TDRD9: variants seen among roughly 807,000 people sequenced by gnomAD.
TDRD9 encodes ATP-dependent RNA helicase TDRD9.
A neutral mutation model predicts 172.6 loss-of-function variants in TDRD9; 124 were observed. The ratio of observed to expected loss-of-function variants is 0.72; its 90% confidence interval spans 0.62 to 0.83. TDRD9 has a LOEUF of 0.83. TDRD9 is among the 40% of genes least tolerant of loss of function. TDRD9 has a pLI of 0.00. For synonymous variants in TDRD9, 619 were observed against 617.1 expected, an observed-to-expected ratio of 1.00 and a Z score of -0.05; for missense variants, 1,479 against 1,714.1, an observed-to-expected ratio of 0.86 and a Z score of 2.42.
rs980121490 is a variant in TDRD9, at chr14:103,980,750, C to T, written c.1011+5197C>T. On this transcript the variant is annotated intron_variant, in intron 7 of 35. Coordinates refer to ENST00000409874, the MANE Select transcript of TDRD9 (RefSeq NM_153046.3). This position sits in a 1 kb window ranked among gnomAD's most constrained non-coding sequence, Gnocchi z 4.5. Reference sequence around the variant, plus strand: ...CCTTGACACTGACGCTACCACTAGACCACGGCTAGACCATGGTCCGCTTGG... The same window carrying T: ...CCTTGACACTGACGCTACCACTAGATCACGGCTAGACCATGGTCCGCTTGG... Among the ~76,000 whole-genome samples, 3 of 152,108 alleles carry T rather than the reference C, an allele frequency of 2.0e-5. No individual in the cohort carries two copies. The highest frequency in any genetic ancestry group is 4.4e-5 in the Non-Finnish European group (3 of 68,010).
chr14:103,938,410 G>A (rs1325171322), intron 1 of TDRD9, among the ~76,000 whole-genome samples: 35 of 73,298 alleles, frequency 4.8e-4, no homozygotes, highest in African/African-American at 6.9e-4. Flanking sequence ...GTGTGTGTGT[G>A]TGTGTATATA....
chr14:103,937,846 A>G (rs1168142001), intron 1 of TDRD9, among the ~76,000 whole-genome samples: 1 of 144,976 alleles, frequency 6.9e-6, no homozygotes, highest in African/African-American at 2.6e-5. Context: ...GGTTTTGAAC[A>G]TGTTGATTTT....
At position 104,016,025 on chromosome 14, in the gene TDRD9, A is replaced by G; in HGVS notation, c.2268A>G (p.Gly756=). 1 of 1,602,406 alleles carries G rather than the reference A, an allele frequency of 6.2e-7. No individual in the cohort carries two copies. Among genetic ancestry groups the G allele is most frequent in the Non-Finnish European group, 8.5e-7 (1 of 1,174,968 alleles). Residue 756 remains glycine (G), a synonymous_variant, in exon 22 of 36, where the codon GGA becomes GGG. Transcript: ENST00000409874. ...GAFYPNYFTF[G]QPDEEMAVRE... Reference sequence around the variant, plus strand: ...TCTATCCAAATTACTTTACTTTTGGACAGCCGGATGAGGAGATGGCGGTGA... The same window carrying G: ...TCTATCCAAATTACTTTACTTTTGGGCAGCCGGATGAGGAGATGGCGGTGA...
At chr14:103,986,670 A>G (rs548848737) in intron 8 of TDRD9, among the ~76,000 whole-genome samples, 1 of 152,276 alleles carries the variant, frequency 6.6e-6, no homozygotes, top group Non-Finnish European at 1.5e-5. Flanking sequence ...CTTTCTTTGC[A>G]TTTGTTTTCA....
chr14:104,035,089 A>G, intron 32 of TDRD9, 33 bp downstream of exon 32: 1 of 1,526,070 alleles, frequency 6.6e-7, no homozygotes, highest in Non-Finnish European at 8.9e-7. Context: ...TAGGCTTTGT[A>G]AAATAAGAAC....
intron 30 of TDRD9, 38 bp downstream of exon 30, chr14:104,032,125 C>A: frequency 7.5e-7 from 1 of 1,330,462 alleles, no homozygotes; most frequent in South Asian, 1.3e-5. Flanking sequence ...TTTTTTTTCT[C>A]TGCTTTTCTG....
chr14:103,969,888 G>T (rs1268971114), intron 5 of TDRD9, among the ~76,000 whole-genome samples: 4 of 152,112 alleles, frequency 2.6e-5, no homozygotes, highest in African/African-American at 9.7e-5. Flanking sequence ...GAGGAGGGCT[G>T]CAAGGTCTGT....
chr14:104,031,406 T>C (rs1036373016), intron 29 of TDRD9, 143 bp downstream of exon 29: 4 of 666,000 alleles, frequency 6.0e-6, no homozygotes, highest in African/African-American at 3.7e-5. Context: ...GATCCTCTTA[T>C]AATAATAAGA....
chr14:103,956,115 T>A lies in TDRD9; in HGVS notation c.322+345T>A, dbSNP rs201719467. Among the ~76,000 whole-genome samples, 15 of 19,792 alleles carry A rather than the reference T, an allele frequency of 7.6e-4. 1 individual carries two copies. Among genetic ancestry groups the A allele is most frequent in the African/African-American group, 2.8e-3 (14 of 4,968 alleles). The allele number at this position is 19,792 out of a possible 152,430, so 13.0% of individuals were successfully genotyped here. A position where few individuals can be genotyped will look rare whatever the true frequency, so the allele number is the denominator to read the frequency against. On this transcript the variant is annotated intron_variant, in intron 2 of 35. Transcript: ENST00000409874. ...AAAAAAAAAAAAAAAAAAAAAAATA[T>A]ATATATATATATATATATATATATA...
At chr14:103,949,902 C>G (rs1241261198) in intron 1 of TDRD9, among the ~76,000 whole-genome samples, 1 of 151,956 alleles carries the variant, frequency 6.6e-6, no homozygotes, top group Non-Finnish European at 1.5e-5. Flanking sequence ...TCTCGAACTC[C>G]CGACCTCAGG....
intron 2 of TDRD9, among the ~76,000 whole-genome samples, chr14:103,956,136 AT>A (rs1259505560): frequency 3.7e-5 from 4 of 109,224 alleles, no homozygotes; most frequent in African/African-American, 1.3e-4. Context: ...ATATATATAT[AT>A]ATATATATAT....
At chr14:103,971,263 G>A (rs537117490) in intron 6 of TDRD9, among the ~76,000 whole-genome samples, 6 of 151,974 alleles carry the variant, frequency 3.9e-5, no homozygotes, top group African/African-American at 1.2e-4. Flanking sequence ...GATTACAGGT[G>A]TGAGCCACCG....
chr14:103,970,677 T>C, intron 6 of TDRD9, 56 bp downstream of exon 6: 1 of 1,394,980 alleles, frequency 7.2e-7, no homozygotes, highest in Non-Finnish European at 9.9e-7. Flanking sequence ...CATTGTTTAG[T>C]TTTGTTTCTC....
At chr14:104,040,118 T>C in intron 32 of TDRD9, 78 bp from the exon 33 acceptor site, 1 of 1,258,342 alleles carries the variant, frequency 7.9e-7, no homozygotes, top group Non-Finnish European at 1.0e-6. Flanking sequence ...GATAATTTTA[T>C]CGGTCAATTT....
chr14:103,931,062 G>A (rs573788911), intron 1 of TDRD9, among the ~76,000 whole-genome samples: 36 of 152,210 alleles, frequency 2.4e-4, no homozygotes, highest in South Asian at 6.2e-4. Context: ...GGGAGTCCAA[G>A]GTGGGCAGAT....
intron 1 of TDRD9, among the ~76,000 whole-genome samples, chr14:103,939,168 C>T (rs562807490): frequency 1.3e-5 from 2 of 152,226 alleles, no homozygotes; most frequent in East Asian, 1.9e-4. Flanking sequence ...TGGTGTTGTC[C>T]AGTGGCTGCT....
In TDRD9 at chr14:103,965,445, C is replaced by T. The variant is rs1456261939; in HGVS notation, c.533C>T (p.Ala178Val). Residue 178 changes from alanine (A) to valine (V), a missense_variant, in exon 4 of 36, where the codon GCC (alanine) becomes GTC (valine). Ala to Val is a moderately conservative substitution (Grantham distance 64). Coordinates refer to ENST00000409874, the MANE Select transcript of TDRD9 (RefSeq NM_153046.3). ...TTGGACCACTACGTTCAGCGCTCCGCCTACTGCAGCATTGTGGTCACCCAG... is the reference window on the plus strand; with the variant it reads ...TTGGACCACTACGTTCAGCGCTCCGTCTACTGCAGCATTGTGGTCACCCAG... The part of the protein sequence containing the change: ...YILDHYVQRS[A>V]YCSIVVTQPR... The T allele has an allele frequency of 6.4e-7, 1 of 1,551,566 alleles. No homozygotes were observed. The highest frequency in any genetic ancestry group is 8.7e-7 in the Non-Finnish European group (1 of 1,146,956).
chr14:104,002,192 C>T lies in TDRD9; in HGVS notation c.1484-2046C>T, dbSNP rs185785205. ...AAAATTAGTCAACCATGATGGCATGCGCCTGTACTCCCAGCTACTCAGTAG... is the reference window on the plus strand; with the variant it reads ...AAAATTAGTCAACCATGATGGCATGTGCCTGTACTCCCAGCTACTCAGTAG... On this transcript the variant is annotated intron_variant, in intron 13 of 35. Coordinates refer to ENST00000409874, the MANE Select transcript of TDRD9 (RefSeq NM_153046.3). Among the ~76,000 whole-genome samples the T allele has an allele frequency of 4.2e-4, 63 of 151,552 alleles. 1 individual carries two copies. Among genetic ancestry groups the T allele is most frequent in the Admixed American group, 1.9e-3 (29 of 15,224 alleles).
intron 1 of TDRD9, among the ~76,000 whole-genome samples, chr14:103,951,753 TC>T (rs2031879529): frequency 6.6e-6 from 1 of 152,140 alleles, no homozygotes; most frequent in South Asian, 2.1e-4. Context: ...CTGAAATATT[TC>T]TTTTTTTTTC....
Sources: gnomAD v4.1 joint callset for allele counts (sites outside exome capture counted in the v4.1 genomes callset) on GRCh38, gnomAD v4.1.1 for gene constraint, Gnocchi (gnomAD v3.1) non-coding constraint, MANE v1.5 for transcripts, NCBI Gene and HGNC (gene_info 2026-07-23, HGNC 2026-07-21) for gene names.